The following PGAP3 variants were observed in gnomAD, a reference collection of about 807,000 sequenced individuals.
PGAP3 encodes post-GPI attachment to proteins phospholipase 3.
Under a neutral mutation model 40.3 loss-of-function variants are expected in PGAP3, and 31 were observed. That is an observed-to-expected ratio of 0.77 (90% CI 0.58 to 1.04). The LOEUF (loss-of-function observed/expected upper bound fraction) is 1.04, where lower values mean the gene tolerates loss of function less well. PGAP3 is among the 50% of genes least tolerant of loss of function. The pLI, the probability that PGAP3 is intolerant of heterozygous loss-of-function variation, is 0.00. For missense variants in PGAP3, 413 were observed against 423.0 expected (o/e 0.98, Z 0.21); for synonymous variants, 191 against 184.5 (o/e 1.04, Z -0.29).
chr17:39,673,351 C>T lies in PGAP3; in HGVS notation c.695-96G>A, dbSNP rs903502. ...TGCTCTCTGACCCCAGGATCATCCTCGGACTCTCCTCCCAGCCTCCTCTCT... is the reference window on the plus strand; with the variant it reads ...TGCTCTCTGACCCCAGGATCATCCTTGGACTCTCCTCCCAGCCTCCTCTCT... On this transcript the variant is annotated intron_variant, in intron 6 of 7. Coordinates refer to ENST00000300658, the MANE Select transcript of PGAP3 (RefSeq NM_033419.5). The T allele has an allele frequency of 0.65, 1,017,492 of 1,555,400 alleles. 341,215 individuals are homozygous for T. The highest frequency in any genetic ancestry group is 0.73 in the South Asian group (61,984 of 84,582).
Position 39,687,840 on chromosome 17 carries a change from G to C in PGAP3, c.175C>G (p.Leu59Val), listed in dbSNP as rs781433220. The C allele has an allele frequency of 4.9e-5, 73 of 1,479,942 alleles. No homozygotes were observed. The South Asian group carries it at 5.1e-4, about 10-fold the overall frequency. The allele number at this position is 1,479,942 out of a possible 1,614,324, so 91.7% of individuals were successfully genotyped here. A position where few individuals can be genotyped will look rare whatever the true frequency, so the allele number is the denominator to read the frequency against. Reference sequence around the variant, plus strand: ...CCGTGGGGGTGGGGCTTACCTGCTAGACTCATGTAGATTGGCTGGCGGGAG... The same window carrying C: ...CCGTGGGGGTGGGGCTTACCTGCTACACTCATGTAGATTGGCTGGCGGGAG... ...FRSRQPIYMS[L>V]AGWTCRDDCK... Residue 59 changes from leucine to valine, a missense_variant, in exon 1 of 8, where the codon CTA becomes GTA. By Grantham distance (32) the Leu-to-Val change is conservative. Coordinates refer to ENST00000300658, the MANE Select transcript of PGAP3 (RefSeq NM_033419.5).
At chr17:39,676,431 G>A (rs949691583) in intron 3 of PGAP3, among the ~76,000 whole-genome samples, 4 of 152,140 alleles carry the variant, frequency 2.6e-5, no homozygotes, top group Non-Finnish European at 4.4e-5. Context: ...AAAGCAGGGG[G>A]TGTGTGTGCG....
intron 3 of PGAP3, 36 bp downstream of exon 3, chr17:39,684,561 A>T (rs764423993): frequency 9.5e-6 from 15 of 1,576,210 alleles, no homozygotes; most frequent in African/African-American, 1.4e-5. Flanking sequence ...CTTCCTAGAT[A>T]AGAGGAGACA....
rs2145093048 is a variant in PGAP3 at position 39,672,163 on chromosome 17, G to A, written c.*640C>T. On this transcript the variant is annotated 3_prime_UTR_variant, in exon 8 of 8. Transcript: ENST00000300658. ...AGGCTCTCAACCAGACAGCAGCACA[G>A]GATCCTTGCCCTGGGCTTGCTGGAG... is the stretch of plus-strand genomic sequence containing the variant. 1 of 155,120 alleles carries A rather than the reference G, an allele frequency of 6.4e-6. No homozygotes were observed. The highest frequency in any genetic ancestry group is 1.9e-4 in the East Asian group (1 of 5,334). 9.6% of individuals were successfully genotyped at this position (155,120 alleles called of 1,614,324 possible).
Position 39,685,977 on chromosome 17 carries a change from A to G in PGAP3, c.224T>C (p.Val75Ala). 1 of 1,613,470 alleles carries G rather than the reference A, an allele frequency of 6.2e-7. No homozygotes were observed. Among genetic ancestry groups the G allele is most frequent in the South Asian group, 1.1e-5 (1 of 91,074 alleles). The change falls in exon 2 of 8, where the codon GTC becomes GCC. Residue 75 changes from valine (V) to alanine (A), a missense_variant. Val to Ala is a moderately conservative substitution (Grantham distance 64). Transcript: ENST00000300658. ...RDDCKYECMW[V>A]TVGLYLQEGH... ...TTCCTGGAGGTAGAGCCCAACGGTG[A>G]CCCACATACACTCATACTTACAGTC...
intron 3 of PGAP3, among the ~76,000 whole-genome samples, chr17:39,683,458 G>C (rs1217530978): frequency 1.3e-5 from 2 of 152,150 alleles, no homozygotes; most frequent in African/African-American, 4.8e-5. Context: ...CTTTTTCATA[G>C]TTGTACTCTT....
At chr17:39,674,413 C>T (rs1338041271) in intron 4 of PGAP3, among the ~76,000 whole-genome samples, 1 of 152,156 alleles carries the variant, frequency 6.6e-6, no homozygotes, top group Non-Finnish European at 1.5e-5. Context: ...TCAGCTGCCT[C>T]ATCAGGCAAG....
rs114810857 is a variant in PGAP3, at chr17:39,673,207, C to T, written c.743G>A (p.Arg248Gln). The change falls in exon 7 of 8, where the codon CGG becomes CAG. Residue 248 changes from arginine to glutamine, a missense_variant. By Grantham distance (43) the Arg-to-Gln change is conservative (BLOSUM62 1). Coordinates refer to ENST00000300658, the MANE Select transcript of PGAP3 (RefSeq NM_033419.5). ...GCACTTGCGCACGTGAGGCAGCCGC[C>T]GCTGGTTCCACAGGCACCAGGCCAG... ...WWLAWCLWNQ[R>Q]RLPHVRKCVV... 404 of 1,569,296 alleles carry T rather than the reference C, an allele frequency of 2.6e-4. 1 individual carries two copies. In the African/African-American group the frequency reaches 4.8e-3, roughly 19 times the overall value.
chr17:39,686,017 A>T lies in PGAP3; in HGVS notation c.184T>A (p.Trp62Arg). The T allele has an allele frequency of 6.2e-7, 1 of 1,611,904 alleles. No individual in the cohort carries two copies. ...RQPIYMSLAG[W>R]TCRDDCKYEC... ...TACTTACAGTCGTCCCGACAGGTCC[A>T]GCCTGAAACAGACAAATGTGGCCTG... The change falls in exon 2 of 8, where the codon TGG (tryptophan) becomes AGG (arginine). Residue 62 changes from tryptophan to arginine, a missense_variant and splice_region_variant. Physicochemically the swap from Trp to Arg is moderately radical, Grantham distance 101. Transcript: ENST00000300658.
intron 2 of PGAP3, among the ~76,000 whole-genome samples, chr17:39,685,287 C>A (rs1464510110): frequency 2.0e-5 from 3 of 148,994 alleles, no homozygotes; most frequent in African/African-American, 7.5e-5. Flanking sequence ...ACCATCCTGG[C>A]TAACATGGTG....
chr17:39,677,595 G>A (rs567579070), intron 3 of PGAP3, among the ~76,000 whole-genome samples: 3 of 152,258 alleles, frequency 2.0e-5, no homozygotes, highest in South Asian at 2.1e-4. Flanking sequence ...TCCTTGCCAC[G>A]CTCAAGTGAA....
chr17:39,687,787 C>A, intron 1 of PGAP3, 47 bp downstream of exon 1: 3 of 1,267,012 alleles, frequency 2.4e-6, no homozygotes, highest in Non-Finnish European at 3.0e-6. Context: ...GCGCAGGGGG[C>A]GGGAGCAAGA....
rs1199575964 is a variant in PGAP3, at chr17:39,672,589, C to T, written c.*214G>A. 1.7e-5 allele frequency: 10 copies of T among 603,928 alleles called. No homozygotes were observed. The highest frequency in any genetic ancestry group is 2.1e-5 in the Non-Finnish European group (7 of 339,328). 37.4% of individuals were successfully genotyped at this position (603,928 alleles called of 1,614,324 possible). A position where few individuals can be genotyped will look rare whatever the true frequency, so the allele number is the denominator to read the frequency against. ...AGGAGGTAGAGGGGCTGCCCACTCTCGAGTCCCAGATGCTGGGAGGCCTTC... is the reference window on the plus strand; with the variant it reads ...AGGAGGTAGAGGGGCTGCCCACTCTTGAGTCCCAGATGCTGGGAGGCCTTC... On this transcript the variant is annotated 3_prime_UTR_variant, in exon 8 of 8. Coordinates refer to ENST00000300658, the MANE Select transcript of PGAP3 (RefSeq NM_033419.5).
At chr17:39,684,776 T>G in intron 2 of PGAP3, 27 bp from the exon 3 acceptor site, 1 of 1,555,072 alleles carries the variant, frequency 6.4e-7, no homozygotes, top group East Asian at 2.4e-5. Context: ...TGAAGGAGGT[T>G]TGAAGGGCAG....
chr17:39,684,905 T>C (rs2057489868), intron 2 of PGAP3, 156 bp from the exon 3 acceptor site: 2 of 850,588 alleles, frequency 2.4e-6, no homozygotes, highest in East Asian at 2.8e-5. Context: ...TTCAGACTAA[T>C]GAGCCACCCT....
At chr17:39,685,773 A>G (rs2057502998) in intron 2 of PGAP3, 149 bp downstream of exon 2, 1 of 634,634 alleles carries the variant, frequency 1.6e-6, no homozygotes. Flanking sequence ...TTCTATGGAA[A>G]CCAGCAGATT....
chr17:39,673,587 C>T lies in PGAP3; in HGVS notation c.621G>A (p.Leu207=). The change falls in exon 6 of 8, where the codon CTG becomes CTA. Residue 207 remains leucine (L), a synonymous_variant. Coordinates refer to ENST00000300658, the MANE Select transcript of PGAP3 (RefSeq NM_033419.5). ...GGCTCAGGTAGGAGACGTGCACGGT[C>T]AGCATGAGCAGCAGGAGAGCCCGGA... ...SAFRALLLLM[L]TVHVSYLSLI... is the part of the protein sequence containing the mutation. The T allele has an allele frequency of 6.2e-7, 1 of 1,614,136 alleles. No individual in the cohort carries two copies. The highest frequency in any genetic ancestry group is 8.5e-7 in the Non-Finnish European group (1 of 1,180,032).
chr17:39,685,158 G>A (rs759041170), intron 2 of PGAP3, among the ~76,000 whole-genome samples: 6 of 151,926 alleles, frequency 3.9e-5, no homozygotes. Flanking sequence ...ACCTCAACAG[G>A]CCAGAATGAG....
In PGAP3 at chr17:39,673,070, C is replaced by T. The variant is rs1282451986; in HGVS notation, c.880G>A (p.Val294Ile). 2 of 1,607,696 alleles carry T rather than the reference C, an allele frequency of 1.2e-6. No individual in the cohort carries two copies. The highest frequency in any genetic ancestry group is 1.3e-5 in the African/African-American group (1 of 74,884). ...ACCCACCTGAAAAAGAGGACGTGGA[C>T]AGGGATGGTGCTGATGTGCCAGATG... ...HAIWHISTIP[V>I]HVLFFSFLED... Residue 294 changes from valine to isoleucine, a missense_variant, in exon 7 of 8, where the codon GTC (valine) becomes ATC (isoleucine). Coordinates refer to ENST00000300658, the MANE Select transcript of PGAP3 (RefSeq NM_033419.5).
Sources: gnomAD v4.1 joint callset for allele counts (sites outside exome capture counted in the v4.1 genomes callset) on GRCh38, gnomAD v4.1.1 for gene constraint, MANE v1.5 for transcripts, NCBI Gene and HGNC (gene_info 2026-07-23, HGNC 2026-07-21) for gene names.